LANCL2: variants seen among roughly 807,000 people sequenced by gnomAD.
LANCL2 encodes the protein lanC-like protein 2.
Under a neutral mutation model 56.9 loss-of-function variants are expected in LANCL2, and 33 were observed. The observed-to-expected ratio is 0.58, with a 90% CI of 0.44 to 0.78. The LOEUF (loss-of-function observed/expected upper bound fraction) is 0.78. LANCL2 is among the 30% of genes least tolerant of loss of function. LANCL2 has a pLI of 0.00. For synonymous variants in LANCL2, 233 were observed against 228.2 expected (o/e 1.02, Z -0.19); for missense variants, 562 against 580.2 (o/e 0.97, Z 0.32).
chr7:55,372,022 C>T lies in LANCL2; in HGVS notation c.204+5793C>T, dbSNP rs193263104. Among the ~76,000 whole-genome samples, 9 of 152,224 alleles carry T rather than the reference C, an allele frequency of 5.9e-5. No homozygotes were observed. The East Asian group carries it at 1.4e-3, about 23-fold the overall frequency. On this transcript the variant is annotated intron_variant, in intron 1 of 8. Coordinates refer to ENST00000254770, the MANE Select transcript of LANCL2 (RefSeq NM_018697.4). The stretch of plus-strand genomic sequence containing the variant: ...AGTTCCTCAAAGATTGTTAGAAATG[C>T]AGATCCCACTCCAAACCCAAGGAAC...
intron 5 of LANCL2, chr7:55,411,213 GT>G (rs1200614263): frequency 6.6e-6 from 1 of 150,676 alleles, no homozygotes; most frequent in Non-Finnish European, 1.5e-5. Flanking sequence ...CTCTTTGAAT[GT>G]TTTTATTTAA....
chr7:55,428,535 T>TTG lies in LANCL2; in HGVS notation c.1258+88_1258+89insTG. ...GGACTGGCACTGTTCATATTTGACCTGGCTCAAGTAATACTTCCAAACTGT... is the reference window on the plus strand; with the variant it reads ...GGACTGGCACTGTTCATATTTGACCTTGGGCTCAAGTAATACTTCCAAACTGT... On this transcript the variant is annotated intron_variant, in intron 8 of 8. Coordinates refer to ENST00000254770, the MANE Select transcript of LANCL2 (RefSeq NM_018697.4). 4 of 1,018,470 alleles carry TTG rather than the reference T, an allele frequency of 3.9e-6. No homozygotes were observed. In the Middle Eastern group the frequency reaches 8.2e-4, roughly 209 times the overall value. The allele number at this position is 1,018,470 out of a possible 1,614,324, so 63.1% of individuals were successfully genotyped here.
chr7:55,402,441 C>T (rs1464682049), intron 5 of LANCL2, among the ~76,000 whole-genome samples: 2 of 132,192 alleles, frequency 1.5e-5, no homozygotes, highest in Admixed American at 1.4e-4. Context: ...CCCACCACCT[C>T]CCTCCCGGAC....
rs1269595901 is a variant in LANCL2 at position 55,366,222 on chromosome 7, A to G, written c.197A>G (p.Asp66Gly). The G allele has an allele frequency of 4.0e-6, 6 of 1,514,488 alleles. No homozygotes were observed. The South Asian group carries it at 6.2e-5, about 16-fold the overall frequency. The allele number at this position is 1,514,488 out of a possible 1,614,324, so 93.8% of individuals were successfully genotyped here. ...GAGCCCGGCCTCCCTTTTCATCAGG[A>G]CGGGAAGGTGAGTCGGCGGCCTGGC... The part of the protein sequence containing the change: ...TDEPGLPFHQ[D>G]GKIIHNFIRR... The change falls in exon 1 of 9, where the codon GAC becomes GGC. Residue 66 changes from aspartate (D) to glycine (G), a missense_variant. By Grantham distance (94) the Asp-to-Gly change is moderately conservative. Coordinates refer to ENST00000254770, the MANE Select transcript of LANCL2 (RefSeq NM_018697.4).
intron 2 of LANCL2, chr7:55,394,109 A>G (rs1362018007): frequency 6.6e-6 from 1 of 152,242 alleles, no homozygotes; most frequent in African/African-American, 2.4e-5. Context: ...TAGGAACTCT[A>G]GAGGTGGGTT....
rs79172241 is a variant in LANCL2, at chr7:55,371,814, A to G, written c.204+5585A>G. 6.6e-4 allele frequency among the ~76,000 whole-genome samples: 101 copies of G among 152,332 alleles called. 2 individuals carry two copies. In the East Asian group the frequency reaches 0.012, roughly 18 times the overall value. Reference sequence around the variant, plus strand: ...TGTTTTGAAGCTTTAAAATTTGTTTAACCTCATAATATATCATGGAAGCAT... The same window carrying G: ...TGTTTTGAAGCTTTAAAATTTGTTTGACCTCATAATATATCATGGAAGCAT... On this transcript the variant is annotated intron_variant, in intron 1 of 8. Coordinates refer to ENST00000254770, the MANE Select transcript of LANCL2 (RefSeq NM_018697.4).
At chr7:55,382,380 G>A (rs548313625) in intron 1 of LANCL2, among the ~76,000 whole-genome samples, 3 of 152,286 alleles carry the variant, frequency 2.0e-5, no homozygotes, top group South Asian at 4.1e-4. Flanking sequence ...GGCCTTAGCA[G>A]GGGAGTGGAG....
chr7:55,377,608 A>T (rs1790017911), intron 1 of LANCL2, among the ~76,000 whole-genome samples: 1 of 152,186 alleles, frequency 6.6e-6, no homozygotes, highest in South Asian at 2.1e-4. Context: ...TGCCTTGTGT[A>T]TCATTTGGAA....
chr7:55,366,378 G>A (rs1264783888), intron 1 of LANCL2, 149 bp downstream of exon 1: 5 of 645,944 alleles, frequency 7.7e-6, no homozygotes, highest in Non-Finnish European at 1.2e-5. Context: ...GGGCCTTCCC[G>A]ATGAGCCGCG....
chr7:55,372,026 T>A (rs1011651739), intron 1 of LANCL2, among the ~76,000 whole-genome samples: 2 of 152,154 alleles, frequency 1.3e-5, no homozygotes, highest in African/African-American at 4.8e-5. Context: ...GAAATGCAGA[T>A]CCCACTCCAA....
At chr7:55,416,332 G>A (rs1180204882) in intron 6 of LANCL2, among the ~76,000 whole-genome samples, 1 of 152,092 alleles carries the variant, frequency 6.6e-6, no homozygotes, top group African/African-American at 2.4e-5. Context: ...TGTCACCCAG[G>A]CTGGAGTGCA....
rs1790123456 is a variant in LANCL2, at chr7:55,386,167, TCCTGAGATGA to T, written c.205-5625_205-5616del. Among the ~76,000 whole-genome samples the T allele has an allele frequency of 2.6e-5, 4 of 152,302 alleles. No homozygotes were observed. The South Asian group carries it at 8.3e-4, about 32-fold the overall frequency. On this transcript the variant is annotated intron_variant, in intron 1 of 8. Transcript: ENST00000254770. ...TGTAGTTAACACAATTATTACAGGG[TCCTGAGATGA>T]TATACATCCTTCTCGGCTGACAGGA... is the stretch of plus-strand genomic sequence containing the variant.
chr7:55,400,228 A>G (rs1211766614), intron 4 of LANCL2, 124 bp downstream of exon 4: 2 of 778,708 alleles, frequency 2.6e-6, no homozygotes, highest in Admixed American at 6.4e-5. Context: ...AACTCATCAA[A>G]AGTAAGAAAT....
intron 6 of LANCL2, among the ~76,000 whole-genome samples, chr7:55,422,153 A>G (rs1188651520): frequency 1.3e-5 from 2 of 152,232 alleles, no homozygotes; most frequent in Non-Finnish European, 2.9e-5. Flanking sequence ...CTTCCTGAAG[A>G]TCCTGATTTC....
chr7:55,423,176 C>CT (rs1562870202), intron 6 of LANCL2, among the ~76,000 whole-genome samples: 1 of 152,210 alleles, frequency 6.6e-6, no homozygotes, highest in East Asian at 1.9e-4. Flanking sequence ...GTTCTGAATT[C>CT]TTGGATGTCT....
At chr7:55,411,882 G>A in intron 5 of LANCL2, 25 bp from the exon 6 acceptor site, 1 of 1,588,596 alleles carries the variant, frequency 6.3e-7, no homozygotes, top group Non-Finnish European at 8.6e-7. Flanking sequence ...AAAATAATTT[G>A]TGTTTCATTT....
rs1004709110 is a variant in LANCL2, at chr7:55,432,933, C to A, written c.*1613C>A. The A allele has an allele frequency of 6.6e-6, 1 of 152,264 alleles. No homozygotes were observed. Among genetic ancestry groups the A allele is most frequent in the African/African-American group, 2.4e-5 (1 of 41,446 alleles). The allele number at this position is 152,264 out of a possible 1,614,324, so 9.4% of individuals were successfully genotyped here. On this transcript the variant is annotated 3_prime_UTR_variant, in exon 9 of 9. Transcript: ENST00000254770. ...TTTGCAGGCAGTCCAGCAGCCCACACCTGCAGGCAGGATGCTGTCGTCAAT... is the reference window on the plus strand; with the variant it reads ...TTTGCAGGCAGTCCAGCAGCCCACAACTGCAGGCAGGATGCTGTCGTCAAT...
chr7:55,385,429 G>A (rs946664966), intron 1 of LANCL2, among the ~76,000 whole-genome samples: 2 of 152,148 alleles, frequency 1.3e-5, no homozygotes, highest in Non-Finnish European at 2.9e-5. Context: ...TTTCCTAAGC[G>A]TCGACTGGCT....
At chr7:55,401,357 G>A in intron 5 of LANCL2, 37 bp downstream of exon 5, 1 of 1,556,422 alleles carries the variant, frequency 6.4e-7, no homozygotes. Context: ...CAGTATATTT[G>A]ATCAAACATG....
Sources: gnomAD v4.1 joint callset for allele counts (sites outside exome capture counted in the v4.1 genomes callset) on GRCh38, gnomAD v4.1.1 for gene constraint, MANE v1.5 for transcripts, NCBI Gene and HGNC (gene_info 2026-07-23, HGNC 2026-07-21) for gene names.